TCF12: variants seen among roughly 807,000 people sequenced by gnomAD.
The protein encoded by TCF12 is DNA-binding protein HTF4.
A neutral mutation model predicts 86.0 loss-of-function variants in TCF12; 45 were observed. The ratio of observed to expected loss-of-function variants is 0.52; its 90% CI spans 0.41 to 0.67. The LOEUF (loss-of-function observed/expected upper bound fraction) is 0.67, where lower values mean the gene tolerates loss of function less well. TCF12 is among the 30% of genes least tolerant of loss of function. The probability of loss-of-function intolerance (pLI) is 0.00; values close to 1 mark genes in which losing one functional copy is unlikely to be tolerated. For missense variants in TCF12, 881 were observed against 859.9 expected (o/e 1.02, Z -0.31); for synonymous variants, 330 against 299.6 (o/e 1.10, Z -1.05).
At chr15:57,025,801 C>T (rs1567276064) in intron 3 of TCF12, among the ~76,000 whole-genome samples, 1 of 152,142 alleles carries the variant, frequency 6.6e-6, no homozygotes, top group Non-Finnish European at 1.5e-5. Context: ...AAACCTTAAA[C>T]TGTGTTAATA....
chr15:57,038,712 A>G (rs763331976), intron 3 of TCF12, among the ~76,000 whole-genome samples: 6 of 152,166 alleles, frequency 3.9e-5, no homozygotes, highest in Non-Finnish European at 8.8e-5. Context: ...TTTTTGTCCT[A>G]AGCATTTTTG....
At chr15:57,126,520 CA>C (rs1173050116) in intron 5 of TCF12, among the ~76,000 whole-genome samples, 1 of 152,104 alleles carries the variant, frequency 6.6e-6, no homozygotes, top group Admixed American at 6.6e-5. Context: ...CTTTAAGAAA[CA>C]AAAAACTAAA....
chr15:57,170,752 T>A (rs984147092), intron 6 of TCF12, among the ~76,000 whole-genome samples: 2 of 35,500 alleles, frequency 5.6e-5, no homozygotes, highest in African/African-American at 2.3e-4. Context: ...ATATTATATA[T>A]TATATATTAT....
intron 7 of TCF12, among the ~76,000 whole-genome samples, chr15:57,195,057 TG>T (rs1233266992): frequency 6.6e-6 from 1 of 152,068 alleles, no homozygotes; most frequent in Non-Finnish European, 1.5e-5. Context: ...CACAAGCCAC[TG>T]TGCCTGGCTA....
At chr15:57,176,012 G>A (rs904301572) in intron 6 of TCF12, among the ~76,000 whole-genome samples, 7 of 152,126 alleles carry the variant, frequency 4.6e-5, no homozygotes, top group African/African-American at 1.4e-4. Context: ...TTTTATAATA[G>A]ATTACAGTAC....
intron 5 of TCF12, among the ~76,000 whole-genome samples, chr15:57,108,806 TTC>T (rs1196707776): frequency 6.6e-6 from 1 of 152,206 alleles, no homozygotes. Flanking sequence ...TGTTTAAAAG[TTC>T]TGTTTTTTAA....
chr15:57,080,866 C>T (rs1265205953), intron 4 of TCF12, among the ~76,000 whole-genome samples: 1 of 152,098 alleles, frequency 6.6e-6, no homozygotes, highest in African/African-American at 2.4e-5. Context: ...AGAAATTTGC[C>T]TCTAGGTTTT....
chr15:57,193,704 A>G (rs1010465937), intron 7 of TCF12, among the ~76,000 whole-genome samples: 1 of 152,170 alleles, frequency 6.6e-6, no homozygotes, highest in Admixed American at 6.5e-5. Flanking sequence ...TTATGTATCT[A>G]CTTTCTATTA....
At chr15:56,923,023 G>A (rs1489833500) in intron 3 of TCF12, among the ~76,000 whole-genome samples, 1 of 151,996 alleles carries the variant, frequency 6.6e-6, no homozygotes, top group African/African-American at 2.4e-5. Flanking sequence ...CTATTAAGGA[G>A]CTAAAGATCT....
intron 5 of TCF12, 102 bp from the exon 6 acceptor site, chr15:57,166,300 C>G: frequency 1.1e-6 from 1 of 926,774 alleles, no homozygotes; most frequent in Non-Finnish European, 1.6e-6. Context: ...TTTGTTCTTT[C>G]TATTTTAAAA....
At position 57,166,717 on chromosome 15, in the gene TCF12, T is replaced by C. The variant is rs139191267; in HGVS notation, c.390+251T>C. On this transcript the variant is annotated intron_variant, in intron 6 of 20. Transcript: ENST00000333725. ...GAAACAAAGCTACCGCTTTCCAAAA[T>C]GCTTGTCATTTCTGAGAAATTTTTT... Among the ~76,000 whole-genome samples, 1,275 of 152,360 alleles carry C rather than the reference T, an allele frequency of 8.4e-3. 15 individuals carry two copies. The highest frequency in any genetic ancestry group is 0.029 in the African/African-American group (1,210 of 41,588).
At chr15:56,966,212 A>G (rs138276125) in intron 3 of TCF12, among the ~76,000 whole-genome samples, 210 of 152,150 alleles carry the variant, frequency 1.4e-3, no homozygotes, top group Non-Finnish European at 5.3e-4. Context: ...TTTGGCTTCT[A>G]TTTAGGTTGG....
At chr15:57,020,858 G>A (rs1329124270) in intron 3 of TCF12, among the ~76,000 whole-genome samples, 1 of 151,842 alleles carries the variant, frequency 6.6e-6, no homozygotes, top group South Asian at 2.1e-4. Flanking sequence ...AAACTGAGGG[G>A]GTATGGATTA....
In TCF12 at chr15:57,246,871, C is replaced by T. The variant is rs550458762; in HGVS notation, c.1114+3321C>T. On this transcript the variant is annotated intron_variant, in intron 13 of 20. Transcript: ENST00000333725. ...TTTTTACAGTTCCTCTAATGCCTTT[C>T]GGACAACTGTCTCAAAGTAACCTAC... is the stretch of plus-strand genomic sequence containing the variant. 6 of 409,270 alleles carry T rather than the reference C, an allele frequency of 1.5e-5. No homozygotes were observed. In the East Asian group the frequency reaches 2.6e-4, roughly 17 times the overall value. 25.4% of individuals were successfully genotyped at this position (409,270 alleles called of 1,614,324 possible).
chr15:57,194,636 C>G (rs1457630511), intron 7 of TCF12, among the ~76,000 whole-genome samples: 1 of 152,162 alleles, frequency 6.6e-6, no homozygotes, highest in African/African-American at 2.4e-5. Flanking sequence ...TCTAATTACC[C>G]AATTTATAAT....
intron 18 of TCF12, among the ~76,000 whole-genome samples, chr15:57,266,675 A>G (rs1313583467): frequency 1.3e-5 from 2 of 152,210 alleles, no homozygotes; most frequent in Non-Finnish European, 2.9e-5. Context: ...ATATAGACAC[A>G]TAGTACATTA....
At chr15:56,989,406 C>T (rs1364186676) in intron 3 of TCF12, among the ~76,000 whole-genome samples, 1 of 152,188 alleles carries the variant, frequency 6.6e-6, no homozygotes, top group Non-Finnish European at 1.5e-5. Flanking sequence ...ATTCTGTCTG[C>T]AGCATTCTCT....
intron 5 of TCF12, among the ~76,000 whole-genome samples, chr15:57,137,411 A>G (rs1209701059): frequency 6.6e-6 from 1 of 152,264 alleles, no homozygotes; most frequent in Non-Finnish European, 1.5e-5. Context: ...CACTTTGGTA[A>G]AAGTTTGACA....
intron 3 of TCF12, among the ~76,000 whole-genome samples, chr15:56,958,678 A>AGAGTGTGTGTGTGT (rs1198441460): frequency 1.4e-5 from 2 of 142,176 alleles, no homozygotes; most frequent in East Asian, 2.0e-4. Context: ...AGAGAGAGAG[A>AGAGTGTGTGTGTGT]GTGTGTGTGT....
Sources: gnomAD v4.1 joint callset for allele counts (sites outside exome capture counted in the v4.1 genomes callset) on GRCh38, gnomAD v4.1.1 for gene constraint, MANE v1.5 for transcripts, NCBI Gene and HGNC (gene_info 2026-07-23, HGNC 2026-07-21) for gene names.